The following PRTG variants were observed in gnomAD, a reference collection of about 807,000 sequenced individuals.
PRTG encodes protogenin.
A neutral mutation model predicts 122.5 loss-of-function variants in PRTG; 67 were observed. That is an observed-to-expected ratio of 0.55 (90% CI 0.45 to 0.67). The LOEUF is 0.67. Ranked by LOEUF, PRTG falls within the 30% of genes least tolerant of loss-of-function variation. The pLI is 0.00. For missense variants in PRTG, 1,435 were observed against 1,415.4 expected (o/e 1.01, Z -0.22); for synonymous variants, 554 against 501.1 (o/e 1.11, Z -1.41).
chr15:55,627,177 T>A, intron 16 of PRTG, 49 bp from the exon 17 acceptor site: 3 of 1,395,670 alleles, frequency 2.1e-6, no homozygotes, highest in Non-Finnish European at 2.9e-6. Context: ...AAATAAATTA[T>A]TTAATTTATA....
intron 2 of PRTG, among the ~76,000 whole-genome samples, chr15:55,727,065 T>C (rs2031061926): frequency 6.6e-6 from 1 of 150,590 alleles, no homozygotes; most frequent in Admixed American, 6.6e-5. Flanking sequence ...AGAAGAATAA[T>C]CTCAAATCAA....
chr15:55,697,863 G>A (rs534269780), intron 2 of PRTG, among the ~76,000 whole-genome samples: 5 of 152,298 alleles, frequency 3.3e-5, no homozygotes, highest in South Asian at 4.1e-4. Context: ...TATGGATAAC[G>A]TAAGGTAATG....
intron 2 of PRTG, among the ~76,000 whole-genome samples, chr15:55,722,010 C>G (rs2030844216): frequency 6.6e-6 from 1 of 152,166 alleles, no homozygotes; most frequent in Admixed American, 6.5e-5. Flanking sequence ...ATACCACTCC[C>G]TAACTGCCCC....
At chr15:55,708,630 A>C (rs2030246597) in intron 2 of PRTG, among the ~76,000 whole-genome samples, 1 of 151,986 alleles carries the variant, frequency 6.6e-6, no homozygotes, top group African/African-American at 2.4e-5. Flanking sequence ...AGTGAAACCA[A>C]ACTGAATAAC....
At chr15:55,742,502 A>C (rs2031642503) in intron 1 of PRTG, 13 of 215,104 alleles carry the variant, frequency 6.0e-5, no homozygotes, top group East Asian at 9.3e-5. Context: ...GGAGGCGCGG[A>C]CGCGGCCGGA....
At chr15:55,636,977 A>G (rs2059261137) in intron 15 of PRTG, among the ~76,000 whole-genome samples, 193 bp downstream of exon 15, 1 of 152,100 alleles carries the variant, frequency 6.6e-6, no homozygotes, top group Non-Finnish European at 1.5e-5. Flanking sequence ...AGTAACAGTA[A>G]CCTTTTTGAA....
At chr15:55,702,454 T>C (rs776429492) in intron 2 of PRTG, among the ~76,000 whole-genome samples, 1 of 152,194 alleles carries the variant, frequency 6.6e-6, no homozygotes, top group Non-Finnish European at 1.5e-5. Flanking sequence ...AACACACAAA[T>C]AAAATTTGTC....
intron 3 of PRTG, 74 bp from the exon 4 acceptor site, chr15:55,682,571 T>TATTTATTTATTTATTC: frequency 1.7e-6 from 1 of 597,664 alleles, no homozygotes; most frequent in Non-Finnish European, 2.3e-6. Context: ...TTTATTTATT[T>TATTTATTTATTTATTC]ATTTATTTAT....
At position 55,627,055 on chromosome 15, in the gene PRTG, G is replaced by C; in HGVS notation, c.2880C>G (p.Thr960=). ...GIAVGVGIAL[T]CILICVLILI... is the part of the protein sequence containing the mutation. The stretch of plus-strand genomic sequence containing the variant: ...AGATGAGAACACAGATGAGGATGCA[G>C]GTCAAGGCTATGCCAACACCTACAG... The change falls in exon 17 of 20, where the codon ACC becomes ACG. Residue 960 remains threonine, a synonymous_variant. Transcript: ENST00000389286. 5 of 1,612,912 alleles carry C rather than the reference G, an allele frequency of 3.1e-6. No individual in the cohort carries two copies. Among genetic ancestry groups the C allele is most frequent in the Non-Finnish European group, 4.2e-6 (5 of 1,179,258 alleles).
At chr15:55,719,796 T>C (rs571462427) in intron 2 of PRTG, among the ~76,000 whole-genome samples, 1 of 152,280 alleles carries the variant, frequency 6.6e-6, no homozygotes, top group East Asian at 1.9e-4. Flanking sequence ...CACTGACTCA[T>C]GCCTATAAAC....
At chr15:55,672,731 CA>C in intron 10 of PRTG, 98 bp from the exon 11 acceptor site, 1 of 820,680 alleles carries the variant, frequency 1.2e-6, no homozygotes, top group South Asian at 2.7e-5. Flanking sequence ...AAACAATTAC[CA>C]AAAGGTTCAA....
At chr15:55,653,759 C>G (rs2059366085) in intron 11 of PRTG, among the ~76,000 whole-genome samples, 1 of 152,266 alleles carries the variant, frequency 6.6e-6, no homozygotes, top group Admixed American at 6.5e-5. Context: ...CCACTGCGCC[C>G]GGCCAGATAA....
In PRTG at chr15:55,616,797, T is replaced by G. The variant is rs939496810; in HGVS notation, c.*3215A>C. 11 of 152,166 alleles carry G rather than the reference T, an allele frequency of 7.2e-5. No homozygotes were observed. Among genetic ancestry groups the G allele is most frequent in the African/African-American group, 2.7e-4 (11 of 41,464 alleles). The allele number at this position is 152,166 out of a possible 1,614,324, so 9.4% of individuals were successfully genotyped here. On this transcript the variant is annotated 3_prime_UTR_variant, in exon 20 of 20. Transcript: ENST00000389286. ...AATATAATTGTATTGCTTTTAATTA[T>G]GTAAACTTAGCCCTTTGATATTTTT...
intron 11 of PRTG, among the ~76,000 whole-genome samples, chr15:55,644,645 A>C (rs1177424381): frequency 6.6e-6 from 1 of 152,044 alleles, no homozygotes; most frequent in Non-Finnish European, 1.5e-5. Context: ...CATAAGCCCC[A>C]TGAAAGGAAG....
At chr15:55,678,745 T>C (rs2141808603) in intron 7 of PRTG, among the ~76,000 whole-genome samples, 1 of 152,354 alleles carries the variant, frequency 6.6e-6, no homozygotes, top group African/African-American at 2.4e-5. Flanking sequence ...AGAATTTATA[T>C]GACTTGAATA....
chr15:55,684,981 T>C (rs2059562211), intron 2 of PRTG, among the ~76,000 whole-genome samples: 1 of 152,142 alleles, frequency 6.6e-6, no homozygotes. Context: ...CTCCAGGAAG[T>C]GGTCTTCAGT....
intron 2 of PRTG, among the ~76,000 whole-genome samples, chr15:55,735,111 T>C (rs7180112): frequency 0.17 from 25,526 of 152,146 alleles, 2,980 homozygotes; most frequent in East Asian, 0.56. Flanking sequence ...CTCTCAAAAG[T>C]ATTAAAATAG....
intron 13 of PRTG, 39 bp from the exon 14 acceptor site, chr15:55,638,715 A>G: frequency 6.4e-7 from 1 of 1,573,100 alleles, no homozygotes; most frequent in Non-Finnish European, 8.7e-7. Flanking sequence ...TGCTGGTAGT[A>G]TAATATTGTT....
At chr15:55,643,051 C>G (rs1016653903) in intron 11 of PRTG, among the ~76,000 whole-genome samples, 4 of 151,988 alleles carry the variant, frequency 2.6e-5, no homozygotes, top group African/African-American at 4.8e-5. Context: ...CCAGCCTGGG[C>G]AACAGAACAA....
Sources: gnomAD v4.1 joint callset for allele counts (sites outside exome capture counted in the v4.1 genomes callset) on GRCh38, gnomAD v4.1.1 for gene constraint, MANE v1.5 for transcripts, NCBI Gene and HGNC (gene_info 2026-07-23, HGNC 2026-07-21) for gene names.